ABCF2: variants seen among roughly 807,000 people sequenced by gnomAD.
ABCF2 encodes ATP binding cassette subfamily F member 2.
In ABCF2, 37 loss-of-function variants were observed where a neutral mutation model predicts 76.9. The ratio of observed to expected loss-of-function variants is 0.48; its 90% CI spans 0.37 to 0.63. The LOEUF (loss-of-function observed/expected upper bound fraction) is 0.63. ABCF2 is among the 30% of genes least tolerant of loss of function. ABCF2 has a pLI of 0.00. For synonymous variants in ABCF2, 299 were observed against 283.7 expected (o/e 1.05, Z -0.54); for missense variants, 524 against 782.1 (o/e 0.67, Z 3.94).
rs750282865 is a variant in ABCF2 at position 151,215,625 on chromosome 7, G to A, written c.1509C>T (p.Tyr503=). Residue 503 remains tyrosine, a synonymous_variant, in exon 13 of 15, where the codon TAC becomes TAT. Coordinates refer to ENST00000287844, the MANE Select transcript of ABCF2 (RefSeq NM_007189.3). This position sits in a 1 kb window ranked among gnomAD's most constrained non-coding sequence, Gnocchi z 4.6. ...KEEMRKIIGR[Y]GLTGKQQVSP... is the part of the protein sequence containing the mutation. Reference sequence around the variant, plus strand: ...TGACCTGTTGTTTCCCAGTGAGACCGTATCGCCCAATGATCTTCCTCATTT... The same window carrying A: ...TGACCTGTTGTTTCCCAGTGAGACCATATCGCCCAATGATCTTCCTCATTT... 17 of 1,614,002 alleles carry A rather than the reference G, an allele frequency of 1.1e-5. No homozygotes were observed. Among genetic ancestry groups the A allele is most frequent in the East Asian group, 2.2e-5 (1 of 44,866 alleles).
At chr7:151,216,492 CA>C (rs1329685034) in intron 11 of ABCF2, among the ~76,000 whole-genome samples, 3 of 152,064 alleles carry the variant, frequency 2.0e-5, no homozygotes, top group Non-Finnish European at 4.4e-5. Context: ...TTTTTGGTCA[CA>C]AAAAAAGATC....
At position 151,215,582 on chromosome 7, in the gene ABCF2, C is replaced by T. The variant is rs1401574384; in HGVS notation, c.1530+22G>A. On this transcript the variant is annotated intron_variant, in intron 13 of 14. Transcript: ENST00000287844. This position sits in a 1 kb window ranked among gnomAD's most constrained non-coding sequence, Gnocchi z 4.6. ...CAGTCTGCCAGCTATCTGGCATCCTCACCACACCCTCCTTTACTGACCTGT... is the reference window on the plus strand; with the variant it reads ...CAGTCTGCCAGCTATCTGGCATCCTTACCACACCCTCCTTTACTGACCTGT... 1.2e-6 allele frequency: 2 copies of T among 1,613,472 alleles called. No homozygotes were observed.
At chr7:151,220,432 G>T (rs921882170) in intron 7 of ABCF2, among the ~76,000 whole-genome samples, 2 of 145,044 alleles carry the variant, frequency 1.4e-5, no homozygotes, top group Non-Finnish European at 3.0e-5. Flanking sequence ...AAAAGAAAAA[G>T]ATTACGTATA....
In ABCF2 at chr7:151,215,845, G is replaced by T; in HGVS notation, c.1402-113C>A. ...GCACCTGTTCTGGGTTCAAGAAGCA[G>T]GTAGGAGCCACCTAGGCTGGAATTC... On this transcript the variant is annotated intron_variant, in intron 12 of 14. Transcript: ENST00000287844. This position sits in a 1 kb window ranked among gnomAD's most constrained non-coding sequence, Gnocchi z 4.6. The T allele has an allele frequency of 6.3e-7, 1 of 1,591,500 alleles. No homozygotes were observed. Among genetic ancestry groups the T allele is most frequent in the Non-Finnish European group, 8.6e-7 (1 of 1,165,344 alleles).
chr7:151,221,443 C>T (rs1271144736), intron 7 of ABCF2, 135 bp downstream of exon 7: 18 of 576,844 alleles, frequency 3.1e-5, no homozygotes, highest in Non-Finnish European at 5.5e-5. Context: ...CTCAAGTGAC[C>T]CACCCACCTC....
intron 3 of ABCF2, 86 bp from the exon 4 acceptor site, chr7:151,224,200 G>C (rs1802330250): frequency 1.0e-5 from 14 of 1,384,884 alleles, no homozygotes; most frequent in Non-Finnish European, 9.9e-7. Context: ...GTCAAACTGG[G>C]ACCTCATCCA....
rs1311538693 is a variant in ABCF2, at chr7:151,222,541, C to T, written c.798G>A (p.Trp266Ter). 6.2e-7 allele frequency: 1 copy of T among 1,613,784 alleles called. No individual in the cohort carries two copies. The highest frequency in any genetic ancestry group is 1.7e-5 in the Admixed American group (1 of 59,980). ...CTTACGTTTTTAGTTCTTCTTCCAA[C>T]CACACGCAAGCATCTAGGTCCAGGT... ...TNHLDLDACV[W>*]LEEELKTFKR... The change falls in exon 6 of 15, where the codon TGG (tryptophan) becomes TGA (stop). Residue 266 changes from tryptophan to a stop codon, truncating the protein, a stop_gained. Transcript: ENST00000287844. LOFTEE classifies it high-confidence loss of function.
Position 151,213,701 on chromosome 7 carries a change from T to C in ABCF2, c.*353A>G, listed in dbSNP as rs1030693092. 7 of 1,063,956 alleles carry C rather than the reference T, an allele frequency of 6.6e-6. No homozygotes were observed. The highest frequency in any genetic ancestry group is 6.8e-6 in the Non-Finnish European group (6 of 882,346). 65.9% of individuals were successfully genotyped at this position (1,063,956 alleles called of 1,614,324 possible). On this transcript the variant is annotated 3_prime_UTR_variant, in exon 15 of 15. Transcript: ENST00000287844. ...ATCACCAAAACCCAGAAAACGAGGATCCTAAGCTCCTCCGCAGGCCAAATC... is the reference window on the plus strand; with the variant it reads ...ATCACCAAAACCCAGAAAACGAGGACCCTAAGCTCCTCCGCAGGCCAAATC...
At position 151,213,289 on chromosome 7, in the gene ABCF2, C is replaced by A. The variant is rs542816023; in HGVS notation, c.*765G>T. On this transcript the variant is annotated 3_prime_UTR_variant, in exon 15 of 15. Transcript: ENST00000287844. ...TGGCAATCTGATTGCATGAGCCCTC[C>A]AGGTGATTCTGATTCATGTTAAAGT... The A allele has an allele frequency of 3.7e-4, 361 of 981,264 alleles. No homozygotes were observed. In the Middle Eastern group the frequency reaches 5.8e-3, roughly 16 times the overall value. The allele number at this position is 981,264 out of a possible 1,614,324, so 60.8% of individuals were successfully genotyped here.
At position 151,213,672 on chromosome 7, in the gene ABCF2, C is replaced by T. The variant is rs866670949; in HGVS notation, c.*382G>A. On this transcript the variant is annotated 3_prime_UTR_variant, in exon 15 of 15. Coordinates refer to ENST00000287844, the MANE Select transcript of ABCF2 (RefSeq NM_007189.3). ...GGCGGTGGGCTGGGGGGTACTCCTC[C>T]AACATCACCAAAACCCAGAAAACGA... is the stretch of plus-strand genomic sequence containing the variant. 4.9e-6 allele frequency: 5 copies of T among 1,029,332 alleles called. No homozygotes were observed. The African/African-American group carries it at 8.6e-5, about 18-fold the overall frequency. 63.8% of individuals were successfully genotyped at this position (1,029,332 alleles called of 1,614,324 possible).
rs140587702 is a variant in ABCF2 at position 151,217,734 on chromosome 7, G to A, written c.1338+347C>T. ...CTTGAACTCGGGGGATGAAGGTTGC[G>A]GTGAGCTGAGATCGCACATTGCACT... On this transcript the variant is annotated intron_variant, in intron 11 of 14. Coordinates refer to ENST00000287844, the MANE Select transcript of ABCF2 (RefSeq NM_007189.3). Among the ~76,000 whole-genome samples, 741 of 103,080 alleles carry A rather than the reference G, an allele frequency of 7.2e-3. 7 individuals are homozygous for A. Among genetic ancestry groups the A allele is most frequent in the Non-Finnish European group, 0.011 (558 of 48,746 alleles). The allele number at this position is 103,080 out of a possible 152,430, so 67.6% of individuals were successfully genotyped here.
chr7:151,221,663 A>G lies in ABCF2; in HGVS notation c.836T>C (p.Val279Ala). The G allele has an allele frequency of 1.2e-6, 2 of 1,611,732 alleles. No homozygotes were observed. Among genetic ancestry groups the G allele is most frequent in the Non-Finnish European group, 1.7e-6 (2 of 1,177,858 alleles). ...AAAATCCTGGGAATGGGAGACGAGGACCAAGATGCGCTTAAAACTGTAAAG... is the reference window on the plus strand; with the variant it reads ...AAAATCCTGGGAATGGGAGACGAGGGCCAAGATGCGCTTAAAACTGTAAAG... ...EELKTFKRIL[V>A]LVSHSQDFLN... Residue 279 changes from valine (V) to alanine (A), a missense_variant, in exon 7 of 15, where the codon GTC (valine) becomes GCC (alanine). Val to Ala is a moderately conservative substitution (Grantham distance 64, BLOSUM62 0). Coordinates refer to ENST00000287844, the MANE Select transcript of ABCF2 (RefSeq NM_007189.3).
chr7:151,223,418 G>A (rs982687607), intron 5 of ABCF2, among the ~76,000 whole-genome samples: 3 of 152,170 alleles, frequency 2.0e-5, no homozygotes, highest in African/African-American at 4.8e-5. Context: ...CTACTCCACC[G>A]TTTTACCTAG....
At position 151,218,541 on chromosome 7, in the gene ABCF2, A is replaced by G; in HGVS notation, c.1227+20T>C. The G allele has an allele frequency of 6.2e-7, 1 of 1,607,234 alleles. No individual in the cohort carries two copies. Among genetic ancestry groups the G allele is most frequent in the Non-Finnish European group, 8.5e-7 (1 of 1,173,928 alleles). ...ACCCTAAGATACACCCCAGCCACCC[A>G]TGCCCTGCCCTGAACTTACCCCATC... is the stretch of plus-strand genomic sequence containing the variant. On this transcript the variant is annotated intron_variant, in intron 10 of 14. Transcript: ENST00000287844.
Position 151,214,084 on chromosome 7 carries a change from G to A in ABCF2, c.1842C>T (p.Pro614=), listed in dbSNP as rs1286625275. The A allele has an allele frequency of 1.9e-6, 3 of 1,613,966 alleles. No individual in the cohort carries two copies. Among genetic ancestry groups the A allele is most frequent in the African/African-American group, 1.3e-5 (1 of 74,914 alleles). ...HLKSKLVDEE[P]QLTKRTHNV is the part of the protein sequence containing the mutation. ...CGTTGTGGGTCCTCTTGGTGAGCTGGGGCTCCTCATCCACCAGCTTGGACT... is the reference window on the plus strand; with the variant it reads ...CGTTGTGGGTCCTCTTGGTGAGCTGAGGCTCCTCATCCACCAGCTTGGACT... Residue 614 remains proline (P), a synonymous_variant, in exon 15 of 15, where the codon CCC becomes CCT. Coordinates refer to ENST00000287844, the MANE Select transcript of ABCF2 (RefSeq NM_007189.3). This position sits in a 1 kb window ranked among gnomAD's most constrained non-coding sequence, Gnocchi z 4.9.
chr7:151,213,931 G>T lies in ABCF2; in HGVS notation c.*123C>A. The T allele has an allele frequency of 2.0e-6, 3 of 1,500,908 alleles. No individual in the cohort carries two copies. The South Asian group carries it at 4.1e-5, about 20-fold the overall frequency. The allele number at this position is 1,500,908 out of a possible 1,614,324, so 93.0% of individuals were successfully genotyped here. ...AGGCAGGTTGAGGGGCAGGGGAGAG[G>T]CTGGGGGAGCAGTATTGCAGCAATG... On this transcript the variant is annotated 3_prime_UTR_variant, in exon 15 of 15. Coordinates refer to ENST00000287844, the MANE Select transcript of ABCF2 (RefSeq NM_007189.3).
intron 10 of ABCF2, 55 bp downstream of exon 10, chr7:151,218,506 G>A: frequency 6.8e-7 from 1 of 1,465,692 alleles, no homozygotes. Flanking sequence ...ACTCCCATGA[G>A]CTGCCACTCA....
chr7:151,214,953 C>G lies in ABCF2; in HGVS notation c.1660G>C (p.Ala554Pro). 1 of 1,614,182 alleles carries G rather than the reference C, an allele frequency of 6.2e-7. No homozygotes were observed. The highest frequency in any genetic ancestry group is 8.5e-7 in the Non-Finnish European group (1 of 1,180,030). ...AACTCATTGATGGCATCTGCCAGGG[C>G]GTCGATGGTCTCGATATCCAGGTGA... is the stretch of plus-strand genomic sequence containing the variant. The part of the protein sequence containing the change: ...TNHLDIETID[A>P]LADAINEFEG... Residue 554 changes from alanine to proline, a missense_variant, in exon 14 of 15, where the codon GCC (alanine) becomes CCC (proline). By Grantham distance (27) the Ala-to-Pro change is conservative. This residue lies in a region of ABCF2 where 194 missense variants were observed against 348.6 expected (regional missense o/e 0.56). Coordinates refer to ENST00000287844, the MANE Select transcript of ABCF2 (RefSeq NM_007189.3). The surrounding 1 kb of genome is among the most constrained non-coding windows in gnomAD (Gnocchi z 4.9).
At position 151,213,887 on chromosome 7, in the gene ABCF2, A is replaced by G; in HGVS notation, c.*167T>C. The G allele has an allele frequency of 6.9e-7, 1 of 1,445,946 alleles. No individual in the cohort carries two copies. Among genetic ancestry groups the G allele is most frequent in the Non-Finnish European group, 9.0e-7 (1 of 1,107,196 alleles). The allele number at this position is 1,445,946 out of a possible 1,614,324, so 89.6% of individuals were successfully genotyped here. Reference sequence around the variant, plus strand: ...AAACAGACAGGTACTGTCCAGCTGTAGGTAAGAGAGTGCAGCTAAGGCAGG... The same window carrying G: ...AAACAGACAGGTACTGTCCAGCTGTGGGTAAGAGAGTGCAGCTAAGGCAGG... On this transcript the variant is annotated 3_prime_UTR_variant, in exon 15 of 15. Coordinates refer to ENST00000287844, the MANE Select transcript of ABCF2 (RefSeq NM_007189.3).
Sources: allele counts gnomAD v4.1 joint callset (sites outside exome capture counted in the v4.1 genomes callset), GRCh38; gene constraint gnomAD v4.1.1; regional missense constraint gnomAD v4.1.1; non-coding constraint Gnocchi (gnomAD v3.1); transcripts MANE v1.5; gene names NCBI Gene and HGNC (gene_info 2026-07-23, HGNC 2026-07-21).